The following MICALL1 variants were observed in gnomAD, a reference collection of about 807,000 sequenced individuals.
MICALL1 encodes MICAL like 1.
A neutral mutation model predicts 83.7 loss-of-function variants in MICALL1; 61 were observed. The observed-to-expected ratio is 0.73, with a 90% CI of 0.59 to 0.90. MICALL1 has a LOEUF of 0.90. Ranked by LOEUF, MICALL1 falls within the 40% of genes least tolerant of loss-of-function variation. The probability of loss-of-function intolerance (pLI) is 0.00; values close to 1 mark genes in which losing one functional copy is unlikely to be tolerated. For missense variants in MICALL1, 1,066 were observed against 1,152.0 expected (o/e 0.93, Z 1.08); for synonymous variants, 481 against 473.6 (o/e 1.02, Z -0.20).
chr22:37,927,168 G>A, intron 8 of MICALL1: 3 of 509,578 alleles, frequency 5.9e-6, no homozygotes, highest in South Asian at 3.5e-5. Flanking sequence ...TATGGGGAGT[G>A]TGGGGAAGTG....
chr22:37,910,819 T>C (rs763370378), intron 1 of MICALL1, among the ~76,000 whole-genome samples: 26 of 152,118 alleles, frequency 1.7e-4, no homozygotes, highest in Non-Finnish European at 4.4e-5. Context: ...TCCACCAGCT[T>C]GGGAGGTGGT....
In MICALL1 at chr22:37,941,222, G is replaced by A; in HGVS notation, c.*392G>A. 5.6e-6 allele frequency: 1 copy of A among 178,648 alleles called. No homozygotes were observed. Among genetic ancestry groups the A allele is most frequent in the Non-Finnish European group, 1.2e-5 (1 of 83,084 alleles). The allele number at this position is 178,648 out of a possible 1,614,324, so 11.1% of individuals were successfully genotyped here. ...CGCCTCCAGGGTTCTGCTCTTCCAGGCAGGCCAGCAAGTGGCGCTGGGCCA... is the reference window on the plus strand; with the variant it reads ...CGCCTCCAGGGTTCTGCTCTTCCAGACAGGCCAGCAAGTGGCGCTGGGCCA... On this transcript the variant is annotated 3_prime_UTR_variant, in exon 16 of 16. Coordinates refer to ENST00000215957, the MANE Select transcript of MICALL1 (RefSeq NM_033386.4).
chr22:37,915,417 C>T (rs1378846519), intron 3 of MICALL1, among the ~76,000 whole-genome samples: 1 of 152,086 alleles, frequency 6.6e-6, no homozygotes, highest in Admixed American at 6.6e-5. Context: ...TTTCCAGACC[C>T]CAGAGGCTCT....
chr22:37,934,061 G>A (rs1365864186), intron 13 of MICALL1, among the ~76,000 whole-genome samples: 1 of 152,240 alleles, frequency 6.6e-6, no homozygotes, highest in African/African-American at 2.4e-5. Flanking sequence ...GCTGGGGCGT[G>A]GCCACCACTC....
intron 3 of MICALL1, among the ~76,000 whole-genome samples, chr22:37,916,876 T>G (rs964923844): frequency 2.0e-5 from 3 of 152,192 alleles, no homozygotes. Flanking sequence ...ATTTATTTCT[T>G]TTTTTGAGAC....
chr22:37,941,044 G>T lies in MICALL1; in HGVS notation c.*214G>T. On this transcript the variant is annotated 3_prime_UTR_variant, in exon 16 of 16. Transcript: ENST00000215957. ...TCTTCTCCGAGCCCCAGGCAGCGGT[G>T]ATTCAGCCCTGCCCAACCTGATTCT... is the stretch of plus-strand genomic sequence containing the variant. 1 of 542,666 alleles carries T rather than the reference G, an allele frequency of 1.8e-6. No individual in the cohort carries two copies. Among genetic ancestry groups the T allele is most frequent in the Non-Finnish European group, 3.2e-6 (1 of 315,562 alleles). 33.6% of individuals were successfully genotyped at this position (542,666 alleles called of 1,614,324 possible). A position where few individuals can be genotyped will look rare whatever the true frequency, so the allele number is the denominator to read the frequency against.
intron 9 of MICALL1, among the ~76,000 whole-genome samples, chr22:37,928,082 A>G (rs539872018): frequency 6.6e-6 from 1 of 151,664 alleles, no homozygotes; most frequent in Admixed American, 6.6e-5. Flanking sequence ...AATTTTTTGT[A>G]TTTTTAGTAG....
At chr22:37,926,408 G>T (rs1203134450) in intron 8 of MICALL1, among the ~76,000 whole-genome samples, 11 of 152,168 alleles carry the variant, frequency 7.2e-5, no homozygotes, top group Admixed American at 6.5e-4. Context: ...GAAAGGAGGC[G>T]TTTGCTTGAA....
At chr22:37,927,036 G>T in intron 8 of MICALL1, 1 of 277,448 alleles carries the variant, frequency 3.6e-6, no homozygotes. Context: ...AGAGCTGGTG[G>T]CTGCGAGGGC....
chr22:37,921,888 A>G, intron 5 of MICALL1, 84 bp from the exon 6 acceptor site: 2 of 1,338,294 alleles, frequency 1.5e-6, no homozygotes, highest in Non-Finnish European at 2.0e-6. Flanking sequence ...AAGGGAGGAG[A>G]CAGCCCTGGG....
At chr22:37,910,355 C>T (rs1928239326) in intron 1 of MICALL1, among the ~76,000 whole-genome samples, 1 of 152,040 alleles carries the variant, frequency 6.6e-6, no homozygotes, top group Admixed American at 6.6e-5. Flanking sequence ...TCTGGGGTGA[C>T]CGAAATAAAC....
In MICALL1 at chr22:37,927,476, G is replaced by A. The variant is rs181831287; in HGVS notation, c.1531G>A (p.Val511Met). 174 of 1,610,560 alleles carry A rather than the reference G, an allele frequency of 1.1e-4. 1 individual carries two copies. In the East Asian group the frequency reaches 3.6e-3, roughly 34 times the overall value. Residue 511 changes from valine to methionine, a missense_variant, in exon 9 of 16, where the codon GTG becomes ATG. Val to Met is a conservative substitution (Grantham distance 21). Coordinates refer to ENST00000215957, the MANE Select transcript of MICALL1 (RefSeq NM_033386.4). ...PSATPSPALS[V>M]ESLSSESASQ... The stretch of plus-strand genomic sequence containing the variant: ...GGCCACACCATCGCCAGCGCTCAGC[G>A]TGGAGAGCCTGTCGTCTGAGAGCGC...
intron 4 of MICALL1, among the ~76,000 whole-genome samples, chr22:37,918,236 G>GT (rs1387687821): frequency 6.6e-6 from 1 of 152,174 alleles, no homozygotes; most frequent in African/African-American, 2.4e-5. Flanking sequence ...CAGCATTATG[G>GT]GCCCTGGTAT....
chr22:37,909,997 C>T (rs955924626), intron 1 of MICALL1, among the ~76,000 whole-genome samples: 2 of 152,084 alleles, frequency 1.3e-5, no homozygotes, highest in Non-Finnish European at 2.9e-5. Context: ...CTGGGCCATC[C>T]CTCCGCACCA....
At chr22:37,909,390 G>A (rs142714822) in intron 1 of MICALL1, among the ~76,000 whole-genome samples, 2,936 of 148,872 alleles carry the variant, frequency 0.02, 73 homozygotes, top group Admixed American at 0.061. Context: ...ACGGAGTCTC[G>A]CTCTGTCAGC....
At chr22:37,923,948 A>G (rs1929257064) in intron 6 of MICALL1, among the ~76,000 whole-genome samples, 1 of 152,066 alleles carries the variant, frequency 6.6e-6, no homozygotes, top group Non-Finnish European at 1.5e-5. Context: ...CTGTGGGTGC[A>G]TTCTCCCCCA....
At chr22:37,920,984 A>G (rs1437318200) in intron 5 of MICALL1, among the ~76,000 whole-genome samples, 2 of 152,066 alleles carry the variant, frequency 1.3e-5, no homozygotes, top group Admixed American at 1.3e-4. Context: ...GGCATTTGGG[A>G]GGCTGAGGCA....
In MICALL1 at chr22:37,921,256, G is replaced by A. The variant is rs8142215; in HGVS notation, c.570-716G>A. Among the ~76,000 whole-genome samples, 564 of 152,144 alleles carry A rather than the reference G, an allele frequency of 3.7e-3. 4 individuals carry two copies. The highest frequency in any genetic ancestry group is 0.012 in the African/African-American group (516 of 41,510). ...CTTGTATGATACTGTCTTATACATTGTATCTTATTCTATTTCATTAACAAA... is the reference window on the plus strand; with the variant it reads ...CTTGTATGATACTGTCTTATACATTATATCTTATTCTATTTCATTAACAAA... On this transcript the variant is annotated intron_variant, in intron 5 of 15. Coordinates refer to ENST00000215957, the MANE Select transcript of MICALL1 (RefSeq NM_033386.4).
In MICALL1 at chr22:37,915,645, C is replaced by CTT. The variant is rs34900801; in HGVS notation, c.338-2045_338-2044dup. Among the ~76,000 whole-genome samples, 703 of 133,100 alleles carry CTT rather than the reference C, an allele frequency of 5.3e-3. 8 individuals are homozygous for CTT. Among genetic ancestry groups the CTT allele is most frequent in the African/African-American group, 0.014 (510 of 36,270 alleles). 87.3% of individuals were successfully genotyped at this position (133,100 alleles called of 152,430 possible). A position where few individuals can be genotyped will look rare whatever the true frequency, so the allele number is the denominator to read the frequency against. ...TTTGGCACCTATTTAGATTAGTATTCTTTTTTTTTTTTTTTTTTGAGACAG... is the reference window on the plus strand; with the variant it reads ...TTTGGCACCTATTTAGATTAGTATTCTTTTTTTTTTTTTTTTTTTTGAGACAG... On this transcript the variant is annotated intron_variant, in intron 3 of 15. Coordinates refer to ENST00000215957, the MANE Select transcript of MICALL1 (RefSeq NM_033386.4).
Sources: allele counts gnomAD v4.1 joint callset (sites outside exome capture counted in the v4.1 genomes callset), GRCh38; gene constraint gnomAD v4.1.1; transcripts MANE v1.5; gene names NCBI Gene and HGNC (gene_info 2026-07-23, HGNC 2026-07-21).